RORB: variants seen among roughly 807,000 people sequenced by gnomAD.
RORB encodes nuclear receptor ROR-beta.
A neutral mutation model predicts 59.1 loss-of-function variants in RORB; 6 were observed. That is an observed-to-expected ratio of 0.10 (90% CI 0.06 to 0.20). RORB has a LOEUF of 0.20. Among genes scored for constraint, RORB ranks in the 10% least tolerant of loss-of-function variants. RORB has a pLI of 1.00. For missense variants in RORB, 320 were observed against 560.5 expected (o/e 0.57, Z 4.33); for synonymous variants, 215 against 204.5 (o/e 1.05, Z -0.44).
rs929317034 is a variant in RORB at position 74,688,946 on chromosome 9, G to A, written c.*3328G>A. Reference sequence around the variant, plus strand: ...TAAAATGGACAAGGGAGGTGAAACCGGGTGAATTCAAACTTCAGTGTATTT... The same window carrying A: ...TAAAATGGACAAGGGAGGTGAAACCAGGTGAATTCAAACTTCAGTGTATTT... On this transcript the variant is annotated 3_prime_UTR_variant, in exon 10 of 10. Coordinates refer to ENST00000376896, the MANE Select transcript of RORB (RefSeq NM_006914.4). The A allele has an allele frequency of 1.3e-5, 2 of 152,168 alleles. No individual in the cohort carries two copies. The highest frequency in any genetic ancestry group is 2.4e-5 in the African/African-American group (1 of 41,452). 9.4% of individuals were successfully genotyped at this position (152,168 alleles called of 1,614,324 possible). A position where few individuals can be genotyped will look rare whatever the true frequency, so the allele number is the denominator to read the frequency against.
intron 2 of RORB, among the ~76,000 whole-genome samples, chr9:74,631,133 G>A (rs1254143076): frequency 6.6e-6 from 1 of 152,198 alleles, no homozygotes; most frequent in African/African-American, 2.4e-5. Flanking sequence ...TAAATAAAGA[G>A]CTGGAGGAAT....
intron 1 of RORB, among the ~76,000 whole-genome samples, chr9:74,604,587 A>G (rs909302272): frequency 1.1e-4 from 16 of 152,238 alleles, no homozygotes; most frequent in African/African-American, 3.4e-4. Flanking sequence ...ATTTTCAACC[A>G]TAAGATAATA....
intron 1 of RORB, among the ~76,000 whole-genome samples, chr9:74,584,415 A>G (rs1822767835): frequency 6.6e-6 from 1 of 152,204 alleles, no homozygotes; most frequent in Non-Finnish European, 1.5e-5. Flanking sequence ...AATTACTTAT[A>G]GGGTTGTTGT....
intron 1 of RORB, among the ~76,000 whole-genome samples, chr9:74,516,243 C>A (rs1826008851): frequency 1.3e-5 from 2 of 151,982 alleles, no homozygotes; most frequent in Non-Finnish European, 2.9e-5. Context: ...TAGCATTGCA[C>A]CTGATATTTA....
chr9:74,639,604 C>T (rs1351788288), intron 3 of RORB, among the ~76,000 whole-genome samples: 1 of 151,766 alleles, frequency 6.6e-6, no homozygotes, highest in Non-Finnish European at 1.5e-5. Context: ...CAATAAAATG[C>T]AAAACTATTC....
intron 1 of RORB, among the ~76,000 whole-genome samples, chr9:74,562,949 A>C (rs1262576874): frequency 7.2e-5 from 11 of 152,096 alleles, no homozygotes; most frequent in East Asian, 3.9e-4. Context: ...ATGTTCTTTT[A>C]CTTCTTCAAA....
intron 1 of RORB, among the ~76,000 whole-genome samples, chr9:74,587,725 G>T (rs952950241): frequency 6.6e-6 from 1 of 152,164 alleles, no homozygotes; most frequent in Non-Finnish European, 1.5e-5. Flanking sequence ...TTTCACATGT[G>T]ATCTTAGCAT....
intron 1 of RORB, among the ~76,000 whole-genome samples, chr9:74,507,751 TA>T (rs758921545): frequency 1.4e-4 from 21 of 152,010 alleles, no homozygotes; most frequent in Non-Finnish European, 2.5e-4. Context: ...ATAATAAAAT[TA>T]TTACACAAAA....
intron 1 of RORB, among the ~76,000 whole-genome samples, chr9:74,580,483 C>T (rs938874473): frequency 1.3e-5 from 2 of 152,070 alleles, no homozygotes; most frequent in African/African-American, 4.8e-5. Flanking sequence ...CCGTGTAAGA[C>T]CAAGACAAGA....
chr9:74,611,728 A>G (rs1014333577), intron 1 of RORB, among the ~76,000 whole-genome samples: 3 of 152,038 alleles, frequency 2.0e-5, no homozygotes, highest in Non-Finnish European at 2.9e-5. Flanking sequence ...GCTCACCGCA[A>G]CCTCCACCTC....
At chr9:74,577,480 A>G (rs1441373130) in intron 1 of RORB, among the ~76,000 whole-genome samples, 1 of 152,132 alleles carries the variant, frequency 6.6e-6, no homozygotes, top group African/African-American at 2.4e-5. Context: ...TTCAAATGGA[A>G]AGTACCTGTC....
chr9:74,547,047 T>C (rs920893104), intron 1 of RORB, among the ~76,000 whole-genome samples: 3 of 152,048 alleles, frequency 2.0e-5, no homozygotes, highest in Non-Finnish European at 4.4e-5. Flanking sequence ...TGAGCCGAGG[T>C]CACACCACCA....
chr9:74,564,722 T>G (rs758874382), intron 1 of RORB, among the ~76,000 whole-genome samples: 25 of 152,320 alleles, frequency 1.6e-4, no homozygotes, highest in Admixed American at 9.8e-4. Flanking sequence ...TTAAAAAATA[T>G]AGCATTCACT....
At chr9:74,653,290 C>T (rs893300615) in intron 4 of RORB, among the ~76,000 whole-genome samples, 1 of 152,088 alleles carries the variant, frequency 6.6e-6, no homozygotes, top group Non-Finnish European at 1.5e-5. Flanking sequence ...AGATATCCTG[C>T]CACTAATTCA....
intron 1 of RORB, among the ~76,000 whole-genome samples, chr9:74,605,067 T>C (rs1387913913): frequency 6.6e-6 from 1 of 152,248 alleles, no homozygotes; most frequent in Non-Finnish European, 1.5e-5. Flanking sequence ...GAGATCACTG[T>C]GCACATGTAT....
At chr9:74,680,817 A>G (rs867076750) in intron 9 of RORB, among the ~76,000 whole-genome samples, 2 of 152,170 alleles carry the variant, frequency 1.3e-5, no homozygotes, top group African/African-American at 2.4e-5. Context: ...GCTGGAGGGC[A>G]TCTTGATGGC....
At chr9:74,608,629 A>C (rs765254333) in intron 1 of RORB, among the ~76,000 whole-genome samples, 5 of 152,078 alleles carry the variant, frequency 3.3e-5, no homozygotes, top group Non-Finnish European at 5.9e-5. Context: ...TATCTGTATA[A>C]CTTTCCCTCT....
At chr9:74,664,167 G>A (rs1051336253) in intron 6 of RORB, among the ~76,000 whole-genome samples, 1 of 152,178 alleles carries the variant, frequency 6.6e-6, no homozygotes, top group African/African-American at 2.4e-5. Context: ...GTAAAATAAA[G>A]AGATGGACTA....
chr9:74,584,509 T>C (rs1822769057), intron 1 of RORB, among the ~76,000 whole-genome samples: 1 of 152,246 alleles, frequency 6.6e-6, no homozygotes, highest in Admixed American at 6.5e-5. Flanking sequence ...GTTAGTTTCT[T>C]ATTATTTCTG....
Sources: gnomAD v4.1 joint callset for allele counts (sites outside exome capture counted in the v4.1 genomes callset) on GRCh38, gnomAD v4.1.1 for gene constraint, MANE v1.5 for transcripts, NCBI Gene and HGNC (gene_info 2026-07-23, HGNC 2026-07-21) for gene names.